The following DAB1 variants were observed in gnomAD, a reference collection of about 807,000 sequenced individuals.
DAB1 encodes the protein disabled homolog 1.
Under a neutral mutation model 64.6 loss-of-function variants are expected in DAB1, and 15 were observed. The ratio of observed to expected loss-of-function variants is 0.23; its 90% confidence interval spans 0.16 to 0.36. The LOEUF (loss-of-function observed/expected upper bound fraction) is 0.36, where lower values mean the gene tolerates loss of function less well. Ranked by LOEUF, DAB1 falls within the 10% of genes least tolerant of loss-of-function variation. The pLI is 1.00. For synonymous variants in DAB1, 235 were observed against 251.9 expected, an observed-to-expected ratio of 0.93 and a Z score of 0.64; for missense variants, 596 against 706.7, an observed-to-expected ratio of 0.84 and a Z score of 1.78.
chr1:58,513,670 T>A (rs1330092367), intron 2 of DAB1, among the ~76,000 whole-genome samples: 7 of 152,200 alleles, frequency 4.6e-5, no homozygotes. Context: ...AATATCTGGG[T>A]TCAAAATACT....
At chr1:58,302,930 T>C (rs1010197563) in intron 4 of DAB1, among the ~76,000 whole-genome samples, 3 of 152,214 alleles carry the variant, frequency 2.0e-5, no homozygotes, top group African/African-American at 7.2e-5. Flanking sequence ...TTTTATGTGT[T>C]ATGCCAAGTA....
At chr1:57,427,179 C>G (rs370995559), upstream of DAB1, among the ~76,000 whole-genome samples, 20 of 152,254 alleles carry the variant, frequency 1.3e-4, no homozygotes, top group African/African-American at 4.8e-4. Flanking sequence ...ATTGGACATG[C>G]CTGGCACTGA....
At chr1:57,790,809 T>C (rs1410821258) in intron 6 of DAB1, among the ~76,000 whole-genome samples, 1 of 152,208 alleles carries the variant, frequency 6.6e-6, no homozygotes, top group Non-Finnish European at 1.5e-5. Flanking sequence ...TGTTTATATA[T>C]GTTTGAGTTT....
intron 5 of DAB1, among the ~76,000 whole-genome samples, chr1:58,073,457 A>C (rs900263341): frequency 6.6e-6 from 1 of 152,112 alleles, no homozygotes; most frequent in Non-Finnish European, 1.5e-5. Flanking sequence ...GAAACTCAAA[A>C]CATTCTGTAC....
intron 3 of DAB1, among the ~76,000 whole-genome samples, chr1:58,348,760 T>C (rs1644024197): frequency 6.6e-6 from 1 of 152,230 alleles, no homozygotes; most frequent in African/African-American, 2.4e-5. Flanking sequence ...GGAAGTTTTT[T>C]TGGCACATGA....
At chr1:57,896,390 C>T (rs911294704) in intron 5 of DAB1, among the ~76,000 whole-genome samples, 5 of 151,086 alleles carry the variant, frequency 3.3e-5, no homozygotes, top group African/African-American at 1.2e-4. Context: ...TGACAATGAA[C>T]ATTGAGGCCA....
chr1:57,205,034 C>A (rs78525135), intron 2 of DAB1, among the ~76,000 whole-genome samples: 2 of 152,178 alleles, frequency 1.3e-5, no homozygotes, highest in Non-Finnish European at 2.9e-5. Flanking sequence ...TTCAAGCTCA[C>A]CCATTTGAGA....
rs145919858 is a variant in DAB1, at chr1:57,077,288, G to T, written c.307-4874C>A. On this transcript the variant is annotated intron_variant, in intron 4 of 14. Transcript: ENST00000371236. Reference sequence around the variant, plus strand: ...TCTCTCTCTCCTTCAGGAATGTTAGGCCCTTCAGAGAAAGATCCATGTCTG... The same window carrying T: ...TCTCTCTCTCCTTCAGGAATGTTAGTCCCTTCAGAGAAAGATCCATGTCTG... Among the ~76,000 whole-genome samples the T allele has an allele frequency of 2.4e-3, 367 of 152,264 alleles. 1 individual carries two copies. The highest frequency in any genetic ancestry group is 7.7e-3 in the South Asian group (37 of 4,820).
chr1:57,351,849 T>C (rs761099192), intron 1 of DAB1, among the ~76,000 whole-genome samples: 2 of 152,026 alleles, frequency 1.3e-5, no homozygotes, highest in Non-Finnish European at 2.9e-5. Flanking sequence ...ACATGTTTAT[T>C]TGTCATTTCT....
chr1:57,414,943 T>C (rs3850557), intron 1 of DAB1, among the ~76,000 whole-genome samples: 8,895 of 152,118 alleles, frequency 0.058, 859 homozygotes, highest in African/African-American at 0.2. Context: ...TTTTAATCAG[T>C]CTATAAGTTT....
In DAB1 at chr1:57,284,770, G is replaced by C. The variant is rs554782982; in HGVS notation, c.67+6194C>G. Among the ~76,000 whole-genome samples the C allele has an allele frequency of 8.9e-3, 1,360 of 152,342 alleles. 3 individuals carry two copies. The highest frequency in any genetic ancestry group is 0.017 in the Middle Eastern group (5 of 294). On this transcript the variant is annotated intron_variant, in intron 2 of 14. Coordinates refer to ENST00000371236, the MANE Select transcript of DAB1 (RefSeq NM_001365792.1). ...CCTATGAGGTAAGCCAATGTTAGCG[G>C]AAGTTACTTCCCAGGGCTAATGACC...
intron 7 of DAB1, among the ~76,000 whole-genome samples, chr1:57,436,169 G>A (rs769778204): frequency 1.6e-4 from 24 of 151,864 alleles, no homozygotes; most frequent in Admixed American, 9.2e-4. Flanking sequence ...CAACCTCCTC[G>A]GCCTCCCAAA....
intron 5 of DAB1, among the ~76,000 whole-genome samples, chr1:58,123,614 A>G (rs150340566): frequency 2.1e-4 from 32 of 152,282 alleles, no homozygotes; most frequent in African/African-American, 7.5e-4. Context: ...TTGTTCTGTG[A>G]AATCACACAG....
intron 3 of DAB1, among the ~76,000 whole-genome samples, chr1:58,368,023 CA>C (rs1644231863): frequency 6.6e-6 from 1 of 152,094 alleles, no homozygotes; most frequent in African/African-American, 2.4e-5. Flanking sequence ...GATTCAAGAA[CA>C]AAAGGATAGA....
intron 4 of DAB1, among the ~76,000 whole-genome samples, chr1:58,239,959 G>C (rs1660215670): frequency 6.6e-6 from 1 of 152,128 alleles, no homozygotes; most frequent in African/African-American, 2.4e-5. Context: ...AAAACAAGAA[G>C]AGAAACATTA....
chr1:57,033,710 T>C, intron 9 of DAB1: 1 of 805,426 alleles, frequency 1.2e-6, no homozygotes, highest in South Asian at 1.5e-5. Flanking sequence ...CCAATGTCTG[T>C]GAAAATCTTG....
intron 1 of DAB1, among the ~76,000 whole-genome samples, chr1:57,415,603 A>T (rs1355471068): frequency 6.6e-6 from 1 of 152,208 alleles, no homozygotes; most frequent in Non-Finnish European, 1.5e-5. Flanking sequence ...CATAGCTCAG[A>T]TTCAGCATAT....
At chr1:57,160,693 T>C (rs905564954) in intron 2 of DAB1, among the ~76,000 whole-genome samples, 1 of 152,212 alleles carries the variant, frequency 6.6e-6, no homozygotes, top group Non-Finnish European at 1.5e-5. Context: ...AAAGGACAGA[T>C]ACCAGGAGAA....
At chr1:57,928,337 G>A (rs1039571239) in intron 5 of DAB1, among the ~76,000 whole-genome samples, 1 of 151,740 alleles carries the variant, frequency 6.6e-6, no homozygotes, top group Middle Eastern at 3.4e-3. Context: ...TTCAGAGGAA[G>A]GTACAGAGAT....
Sources: gnomAD v4.1 joint callset for allele counts (sites outside exome capture counted in the v4.1 genomes callset) on GRCh38, gnomAD v4.1.1 for gene constraint, MANE v1.5 for transcripts, NCBI Gene and HGNC (gene_info 2026-07-23, HGNC 2026-07-21) for gene names.